The following EDA variants were observed in gnomAD, a reference collection of about 807,000 sequenced individuals.
EDA encodes the protein ectodysplasin A.
Under a neutral mutation model 23.6 loss-of-function variants are expected in EDA, and 2 were observed. The observed-to-expected ratio is 0.08, with a 90% CI of 0.03 to 0.27. The LOEUF (loss-of-function observed/expected upper bound fraction) is 0.27. Among genes scored for constraint, EDA ranks in the 10% least tolerant of loss-of-function variants. The probability of loss-of-function intolerance (pLI) is 1.00; values close to 1 mark genes in which losing one functional copy is unlikely to be tolerated. For missense variants in EDA, 229 were observed against 324.2 expected, an observed-to-expected ratio of 0.71 and a Z score of 2.26; for synonymous variants, 131 against 132.0, an observed-to-expected ratio of 0.99 and a Z score of 0.05.
intron 1 of EDA, among the ~76,000 whole-genome samples, chrX:69,678,577 T>G (rs1310821637): frequency 6.3e-5 from 7 of 110,378 alleles, no homozygotes; most frequent in East Asian, 2.9e-4. Flanking sequence ...TTATTCTCTT[T>G]GTAGCAATTG....
intron 1 of EDA, among the ~76,000 whole-genome samples, chrX:69,662,579 A>C (rs1933548980): frequency 8.9e-6 from 1 of 112,287 alleles, no homozygotes; most frequent in African/African-American, 3.2e-5. Flanking sequence ...AGACTAATAC[A>C]GTAAATTGGC....
chrX:70,023,748 C>T (rs1428833333), intron 3 of EDA, among the ~76,000 whole-genome samples: 1 of 111,227 alleles, frequency 9.0e-6, no homozygotes, highest in Non-Finnish European at 1.9e-5. Flanking sequence ...TGTCAGTACC[C>T]TATTTCTTGG....
chrX:69,854,506 T>C, intron 1 of EDA, among the ~76,000 whole-genome samples: 1 of 111,830 alleles, frequency 8.9e-6, no homozygotes, highest in East Asian at 2.8e-4. Context: ...CCCCTCTATG[T>C]GTCCATGTGT....
At chrX:69,711,666 T>C (rs1407209294) in intron 1 of EDA, among the ~76,000 whole-genome samples, 1 of 111,820 alleles carries the variant, frequency 8.9e-6, no homozygotes, top group Non-Finnish European at 1.9e-5. Context: ...TGCCTCAATT[T>C]CAGATCCTGT....
intron 1 of EDA, among the ~76,000 whole-genome samples, chrX:69,850,950 G>A (rs2017111643): frequency 8.9e-6 from 1 of 111,743 alleles, no homozygotes; most frequent in African/African-American, 3.3e-5. Context: ...TCTATTATTT[G>A]TGCCTCCACT....
chrX:69,947,899 T>G (rs2018857632), intron 1 of EDA, among the ~76,000 whole-genome samples: 1 of 112,052 alleles, frequency 8.9e-6, no homozygotes, highest in Non-Finnish European at 1.9e-5. Flanking sequence ...AAACAAAAAG[T>G]CAGGGCAGGG....
intron 1 of EDA, among the ~76,000 whole-genome samples, chrX:69,852,268 T>A (rs1024305165): frequency 9.0e-6 from 1 of 111,467 alleles, no homozygotes; most frequent in East Asian, 2.8e-4. Flanking sequence ...TAACTGGGAT[T>A]ACAGGCATGT....
At chrX:69,999,620 GAAAAAA>G (rs772656027) in intron 2 of EDA, among the ~76,000 whole-genome samples, 4 of 77,140 alleles carry the variant, frequency 5.2e-5, no homozygotes, top group African/African-American at 2.0e-4. Context: ...CTGTCTCAGA[GAAAAAA>G]AAAAAAAAAG....
intron 2 of EDA, among the ~76,000 whole-genome samples, chrX:69,990,258 G>A (rs2019565490): frequency 9.0e-6 from 1 of 110,895 alleles, no homozygotes; most frequent in African/African-American, 3.3e-5. Flanking sequence ...ATTACTGCCT[G>A]GTAGAAGTGG....
At chrX:69,771,459 A>G (rs2014637864) in intron 1 of EDA, among the ~76,000 whole-genome samples, 1 of 111,705 alleles carries the variant, frequency 9.0e-6, no homozygotes, top group Admixed American at 9.5e-5. Context: ...GATTCAGTTT[A>G]TATGTCCAGA....
chrX:69,793,242 A>G (rs1020540599), intron 1 of EDA, among the ~76,000 whole-genome samples: 1 of 112,204 alleles, frequency 8.9e-6, no homozygotes, highest in African/African-American at 3.2e-5. Flanking sequence ...AGAAACAATT[A>G]AGATGTCAGA....
Position 69,926,981 on chromosome X carries a change from C to CT in EDA, c.397-30039dup, listed in dbSNP as rs2018527677. Among the ~76,000 whole-genome samples, 4 of 110,889 alleles carry CT rather than the reference C, an allele frequency of 3.6e-5. No individual in the cohort carries two copies. The Admixed American group carries it at 3.9e-4, about 11-fold the overall frequency. On this transcript the variant is annotated intron_variant, in intron 1 of 7. Transcript: ENST00000374552. The stretch of plus-strand genomic sequence containing the variant: ...TCAGAGACTAGGATTGCAACCCCTG[C>CT]TTTTTTTGCTTTCCATTTGCTTGGA...
intron 1 of EDA, among the ~76,000 whole-genome samples, chrX:69,758,438 G>T (rs1267701927): frequency 8.9e-6 from 1 of 112,281 alleles, no homozygotes; most frequent in African/African-American, 3.2e-5. Context: ...TTATCTTAGT[G>T]TGCTTGCTTC....
intron 1 of EDA, among the ~76,000 whole-genome samples, chrX:69,759,515 A>T (rs771846085): frequency 8.9e-6 from 1 of 112,007 alleles, no homozygotes; most frequent in Admixed American, 9.5e-5. Context: ...CTCAGTGGAT[A>T]ATTCCAGTGA....
intron 1 of EDA, among the ~76,000 whole-genome samples, chrX:69,655,532 TCA>T (rs1933280867): frequency 1.9e-5 from 1 of 51,709 alleles, no homozygotes; most frequent in African/African-American, 1.2e-4. Context: ...CTCAGATTAC[TCA>T]AGTCAAACTA....
intron 1 of EDA, among the ~76,000 whole-genome samples, chrX:69,929,703 T>C (rs2018569377): frequency 2.7e-5 from 2 of 74,557 alleles, no homozygotes; most frequent in African/African-American, 1.0e-4. Context: ...CTTCATTCTA[T>C]TTTTGTGTGT....
rs1203619537 is a variant in EDA, at chrX:69,654,718, G to A, written c.396+38014G>A. 4.9e-5 allele frequency among the ~76,000 whole-genome samples: 5 copies of A among 101,382 alleles called. No individual in the cohort carries two copies. In the South Asian group the frequency reaches 1.5e-3, roughly 31 times the overall value. 88.0% of individuals were successfully genotyped at this position (101,382 alleles called of 115,157 possible). On this transcript the variant is annotated intron_variant, in intron 1 of 7. Coordinates refer to ENST00000374552, the MANE Select transcript of EDA (RefSeq NM_001399.5). ...AAGGACAAAAAACCAAACACTGCATGTTCTCACTCATAGGTGGGAATTGAA... is the reference window on the plus strand; with the variant it reads ...AAGGACAAAAAACCAAACACTGCATATTCTCACTCATAGGTGGGAATTGAA...
At chrX:69,894,891 C>A (rs1020569658) in intron 1 of EDA, among the ~76,000 whole-genome samples, 3 of 111,329 alleles carry the variant, frequency 2.7e-5, no homozygotes, top group Non-Finnish European at 5.7e-5. Context: ...ATTTGGATGT[C>A]TTTTATTTCT....
At chrX:69,798,506 A>G (rs940595989) in intron 1 of EDA, among the ~76,000 whole-genome samples, 1 of 111,856 alleles carries the variant, frequency 8.9e-6, no homozygotes, top group African/African-American at 3.2e-5. Flanking sequence ...AATCAATACC[A>G]AGAGGAACTT....
Sources: allele counts gnomAD v4.1 joint callset (sites outside exome capture counted in the v4.1 genomes callset), GRCh38; gene constraint gnomAD v4.1.1; transcripts MANE v1.5; gene names NCBI Gene and HGNC (gene_info 2026-07-23, HGNC 2026-07-21).